The following ANXA10 variants were observed in gnomAD, a reference collection of about 807,000 sequenced individuals.
The protein encoded by ANXA10 is annexin A10.
Under a neutral mutation model 53.5 loss-of-function variants are expected in ANXA10, and 49 were observed. The ratio of observed to expected loss-of-function variants is 0.92; its 90% CI spans 0.73 to 1.16. The LOEUF (loss-of-function observed/expected upper bound fraction) is 1.16. Ranked by LOEUF, ANXA10 falls within the 50% of genes most tolerant of loss-of-function variation. The pLI, the probability that ANXA10 is intolerant of heterozygous loss-of-function variation, is 0.00. For synonymous variants in ANXA10, 131 were observed against 128.9 expected (o/e 1.02, Z -0.11); for missense variants, 393 against 394.4 (o/e 1.00, Z 0.03).
chr4:168,137,472 C>T (rs548856631), intron 2 of ANXA10, among the ~76,000 whole-genome samples: 4 of 152,148 alleles, frequency 2.6e-5, no homozygotes, highest in Non-Finnish European at 5.9e-5. Context: ...TATTATCCTA[C>T]TCAATATGTC....
chr4:168,140,809 G>A (rs1330763316), intron 3 of ANXA10, among the ~76,000 whole-genome samples: 14 of 152,018 alleles, frequency 9.2e-5, no homozygotes, highest in Admixed American at 7.2e-4. Flanking sequence ...TAGTAGAAAC[G>A]GGGTTTCACC....
At chr4:168,139,895 G>A (rs867940612) in intron 3 of ANXA10, among the ~76,000 whole-genome samples, 5 of 152,128 alleles carry the variant, frequency 3.3e-5, no homozygotes, top group African/African-American at 9.7e-5. Flanking sequence ...TAGGCTTAAA[G>A]TGTTGTGCTG....
chr4:168,135,087 G>T (rs941577642), intron 2 of ANXA10, among the ~76,000 whole-genome samples: 2 of 152,186 alleles, frequency 1.3e-5, no homozygotes, highest in African/African-American at 4.8e-5. Flanking sequence ...CTGCAGTAGG[G>T]ATCAAGACTA....
chr4:168,172,785 CATTT>C (rs1732039359), intron 6 of ANXA10, among the ~76,000 whole-genome samples: 1 of 124,726 alleles, frequency 8.0e-6, no homozygotes, highest in Non-Finnish European at 1.6e-5. Context: ...GGTATGTTGC[CATTT>C]TTTTTTTTTT....
intron 3 of ANXA10, among the ~76,000 whole-genome samples, chr4:168,153,461 A>C (rs868547309): frequency 1.1e-5 from 1 of 88,078 alleles, no homozygotes; most frequent in African/African-American, 3.9e-5. Context: ...AAACAAAACA[A>C]AAAAAAAAAC....
chr4:168,099,344 G>A (rs1486552719), intron 1 of ANXA10, among the ~76,000 whole-genome samples: 1 of 152,060 alleles, frequency 6.6e-6, no homozygotes, highest in Non-Finnish European at 1.5e-5. Context: ...CAAAGATGCC[G>A]AAAGAGAGAG....
intron 1 of ANXA10, among the ~76,000 whole-genome samples, chr4:168,097,981 T>C (rs773408498): frequency 3.3e-5 from 5 of 152,120 alleles, no homozygotes; most frequent in Admixed American, 6.6e-5. Context: ...CTAGATATGT[T>C]GGTTTCTCTT....
intron 3 of ANXA10, among the ~76,000 whole-genome samples, chr4:168,156,616 G>T (rs188710251): frequency 0.021 from 3,193 of 150,562 alleles, 192 homozygotes; most frequent in East Asian, 0.14. Flanking sequence ...CCATTCTCCT[G>T]CCTCAGCCTC....
intron 1 of ANXA10, among the ~76,000 whole-genome samples, chr4:168,103,444 CTACTTTGTCAAAAGT>C (rs553584819): frequency 4.6e-5 from 7 of 152,016 alleles, no homozygotes; most frequent in African/African-American, 1.4e-4. Flanking sequence ...ATTGTTTTCA[CTACTTTGTCAAAAGT>C]TACTTGTCTG....
Position 168,139,528 on chromosome 4 carries a change from G to A in ANXA10, c.143G>A (p.Cys48Tyr). ...DMLINILTQR[C>Y]NAQRMMIAEA... ...CTGATCAACATTCTGACTCAGCGCTGCAATGCACAAAGGATGATGATTGCA... is the reference window on the plus strand; with the variant it reads ...CTGATCAACATTCTGACTCAGCGCTACAATGCACAAAGGATGATGATTGCA... Residue 48 changes from cysteine (C) to tyrosine (Y), a missense_variant, in exon 3 of 12, where the codon TGC (cysteine) becomes TAC (tyrosine). By Grantham distance (194) the Cys-to-Tyr change is radical (BLOSUM62 -2). Transcript: ENST00000359299. 2.5e-6 allele frequency: 4 copies of A among 1,613,172 alleles called. No individual in the cohort carries two copies. Among genetic ancestry groups the A allele is most frequent in the Non-Finnish European group, 3.4e-6 (4 of 1,179,304 alleles).
chr4:168,148,174 A>ATTT (rs35381933), intron 3 of ANXA10, among the ~76,000 whole-genome samples: 3 of 143,022 alleles, frequency 2.1e-5, no homozygotes, highest in Non-Finnish European at 4.6e-5. Flanking sequence ...ATATGTGACA[A>ATTT]TTTTTTTTTT....
chr4:168,146,640 G>A (rs953457324), intron 3 of ANXA10, among the ~76,000 whole-genome samples: 1 of 152,134 alleles, frequency 6.6e-6, no homozygotes, highest in East Asian at 1.9e-4. Flanking sequence ...TCTGAGCAAC[G>A]CAGGCTGGAT....
At chr4:168,138,887 C>T (rs2149471958) in intron 2 of ANXA10, among the ~76,000 whole-genome samples, 1 of 152,104 alleles carries the variant, frequency 6.6e-6, no homozygotes, top group East Asian at 1.9e-4. Context: ...TGATTTGGTT[C>T]TCAGCTTGAT....
chr4:168,117,060 C>T (rs767314051), intron 1 of ANXA10, among the ~76,000 whole-genome samples: 1 of 151,818 alleles, frequency 6.6e-6, no homozygotes, highest in South Asian at 2.1e-4. Flanking sequence ...TTAGTCTTAG[C>T]CTTGGCTAAT....
chr4:168,100,970 A>G (rs1346792275), intron 1 of ANXA10, among the ~76,000 whole-genome samples: 1 of 152,062 alleles, frequency 6.6e-6, no homozygotes, highest in Non-Finnish European at 1.5e-5. Context: ...ATTTCTGCTA[A>G]TCCTTTGGTT....
rs909957298 is a variant in ANXA10, at chr4:168,181,248, G to A, written c.725-435G>A. ...CTACTAAAAATACAAAAAGTTAGCCGGGCGTGGTGGCGGGCGCCTGTAGTC... is the reference window on the plus strand; with the variant it reads ...CTACTAAAAATACAAAAAGTTAGCCAGGCGTGGTGGCGGGCGCCTGTAGTC... On this transcript the variant is annotated intron_variant, in intron 9 of 11. Transcript: ENST00000359299. 1.2e-4 allele frequency among the ~76,000 whole-genome samples: 18 copies of A among 151,752 alleles called. 1 individual carries two copies. Among genetic ancestry groups the A allele is most frequent in the East Asian group, 9.7e-4 (5 of 5,178 alleles).
chr4:168,093,977 G>GA (rs1222936940), intron 1 of ANXA10, among the ~76,000 whole-genome samples: 1 of 151,830 alleles, frequency 6.6e-6, no homozygotes, highest in Non-Finnish European at 1.5e-5. Context: ...TCACTACAGA[G>GA]AAAAAAAGGT....
chr4:168,106,510 G>T (rs1298312874), intron 1 of ANXA10, among the ~76,000 whole-genome samples: 1 of 151,988 alleles, frequency 6.6e-6, no homozygotes, highest in Non-Finnish European at 1.5e-5. Context: ...GAAATAGAAT[G>T]AATGATAATT....
At chr4:168,109,659 G>GA (rs1334510282) in intron 1 of ANXA10, among the ~76,000 whole-genome samples, 1 of 152,118 alleles carries the variant, frequency 6.6e-6, no homozygotes, top group African/African-American at 2.4e-5. Context: ...GCTGACAGAT[G>GA]AATCTGAAGA....
Sources: allele counts gnomAD v4.1 joint callset (sites outside exome capture counted in the v4.1 genomes callset), GRCh38; gene constraint gnomAD v4.1.1; transcripts MANE v1.5; gene names NCBI Gene and HGNC (gene_info 2026-07-23, HGNC 2026-07-21).